The following UNC13C variants were observed in gnomAD, a reference collection of about 807,000 sequenced individuals.
UNC13C encodes the protein unc-13 homolog C, also known as protein unc-13 homolog C.
A neutral mutation model predicts 245.4 loss-of-function variants in UNC13C; 174 were observed. That is an observed-to-expected ratio of 0.71 (90% CI 0.63 to 0.80). The LOEUF is 0.80. Ranked by LOEUF, UNC13C falls within the 30% of genes least tolerant of loss-of-function variation. The probability of loss-of-function intolerance (pLI) is 0.00; values close to 1 mark genes in which losing one functional copy is unlikely to be tolerated. For synonymous variants in UNC13C, 992 were observed against 895.1 expected (o/e 1.11, Z -1.93); for missense variants, 2,829 against 2,602.9 (o/e 1.09, Z -1.89).
chr15:54,022,839 C>T (rs1340402301), intron 2 of UNC13C, among the ~76,000 whole-genome samples: 1 of 152,128 alleles, frequency 6.6e-6, no homozygotes, highest in Non-Finnish European at 1.5e-5. Flanking sequence ...TGGCCAAGGG[C>T]CCCTAGAAGC....
At chr15:54,102,419 C>T (rs894458406) in intron 2 of UNC13C, among the ~76,000 whole-genome samples, 1 of 152,148 alleles carries the variant, frequency 6.6e-6, no homozygotes, top group African/African-American at 2.4e-5. Context: ...AAGTGCAAAG[C>T]AGACTTGCTG....
intron 18 of UNC13C, among the ~76,000 whole-genome samples, chr15:54,403,135 C>A (rs1029776395): frequency 2.6e-5 from 4 of 152,224 alleles, no homozygotes; most frequent in South Asian, 2.1e-4. Flanking sequence ...TCAGTAAATT[C>A]TGTTGACTAT....
intron 2 of UNC13C, among the ~76,000 whole-genome samples, chr15:54,068,996 C>T (rs1898198053): frequency 6.6e-6 from 1 of 152,114 alleles, no homozygotes; most frequent in South Asian, 2.1e-4. Context: ...CTTTGTATTA[C>T]CTAGCACATC....
At chr15:54,198,077 A>G (rs190714816) in intron 4 of UNC13C, among the ~76,000 whole-genome samples, 1 of 152,008 alleles carries the variant, frequency 6.6e-6, no homozygotes, top group Non-Finnish European at 1.5e-5. Context: ...CTGGAAACCT[A>G]TATGGCTTAG....
intron 10 of UNC13C, among the ~76,000 whole-genome samples, chr15:54,265,943 A>T (rs1442303271): frequency 6.6e-6 from 1 of 152,026 alleles, no homozygotes; most frequent in Non-Finnish European, 1.5e-5. Flanking sequence ...GAGATGGTTG[A>T]TGATAACTGT....
chr15:53,852,250 T>C, the UNC13C span, among the ~76,000 whole-genome samples: 1 of 152,202 alleles, frequency 6.6e-6, no homozygotes, highest in Non-Finnish European at 1.5e-5. Context: ...TTGGTCACAG[T>C]GTCTTCTGTG....
intron 4 of UNC13C, among the ~76,000 whole-genome samples, chr15:54,211,611 G>A (rs765681791): frequency 3.9e-5 from 6 of 152,044 alleles, no homozygotes; most frequent in Non-Finnish European, 7.4e-5. Flanking sequence ...GTGCACCACT[G>A]GTTGTGGTGT....
intron 4 of UNC13C, among the ~76,000 whole-genome samples, chr15:54,190,217 C>T (rs762310139): frequency 2.1e-4 from 32 of 152,036 alleles, no homozygotes; most frequent in Non-Finnish European, 3.4e-4. Context: ...AATTAAGTGG[C>T]AAAGCCAAGA....
intron 29 of UNC13C, among the ~76,000 whole-genome samples, chr15:54,560,774 G>C (rs1398692052): frequency 1.3e-5 from 2 of 151,800 alleles, no homozygotes; most frequent in Non-Finnish European, 2.9e-5. Flanking sequence ...GAGAGAGAGA[G>C]AAAGACACCA....
chr15:54,003,609 T>A (rs564501910), intron 1 of UNC13C, among the ~76,000 whole-genome samples: 1 of 152,360 alleles, frequency 6.6e-6, no homozygotes, highest in South Asian at 2.1e-4. Flanking sequence ...AGACATGCAA[T>A]GTGTAATAAT....
rs1050076510 is a variant in UNC13C at position 54,601,430 on chromosome 15, G to A, written c.6107-20897G>A. 4.6e-5 allele frequency among the ~76,000 whole-genome samples: 7 copies of A among 152,186 alleles called. No individual in the cohort carries two copies. In the South Asian group the frequency reaches 1.2e-3, roughly 27 times the overall value. On this transcript the variant is annotated intron_variant, in intron 30 of 32. Transcript: ENST00000260323. ...GGAGAGCACTTGATGGTAGGACTGA[G>A]AAGACCCTAGGGGAACAGGTTAGGG... is the stretch of plus-strand genomic sequence containing the variant.
chr15:54,217,321 A>T (rs898400692), intron 4 of UNC13C, among the ~76,000 whole-genome samples: 5 of 151,982 alleles, frequency 3.3e-5, no homozygotes, highest in Middle Eastern at 3.2e-3. Context: ...ATGTGGCATC[A>T]TCAGAGCTAA....
At chr15:53,947,618 A>T in the UNC13C span, 1 of 151,702 alleles carries the variant, frequency 6.6e-6, no homozygotes, top group Non-Finnish European at 1.5e-5. Flanking sequence ...TTTTGTTATG[A>T]CTCTTGAGCT....
intron 10 of UNC13C, among the ~76,000 whole-genome samples, chr15:54,269,129 T>A (rs1464050734): frequency 6.6e-6 from 1 of 152,068 alleles, no homozygotes; most frequent in Non-Finnish European, 1.5e-5. Flanking sequence ...CTACCTTGGT[T>A]TCTATTCCTT....
intron 17 of UNC13C, among the ~76,000 whole-genome samples, chr15:54,385,583 G>T (rs1328227892): frequency 6.6e-6 from 1 of 150,610 alleles, no homozygotes; most frequent in African/African-American, 2.4e-5. Context: ...GATGAAGCAG[G>T]GTTGATTATG....
intron 4 of UNC13C, among the ~76,000 whole-genome samples, chr15:54,155,674 A>G (rs1306736065): frequency 1.3e-5 from 2 of 152,212 alleles, no homozygotes; most frequent in Admixed American, 6.5e-5. Flanking sequence ...TTATTCTGTT[A>G]CAATATGGGA....
At chr15:54,548,032 GAA>G (rs1236645410) in intron 27 of UNC13C, among the ~76,000 whole-genome samples, 2 of 151,716 alleles carry the variant, frequency 1.3e-5, no homozygotes, top group African/African-American at 4.8e-5. Context: ...TTTTAAAAAG[GAA>G]AAAAGAGGAG....
intron 30 of UNC13C, among the ~76,000 whole-genome samples, chr15:54,595,753 C>G (rs569071595): frequency 6.6e-6 from 1 of 152,320 alleles, no homozygotes; most frequent in South Asian, 2.1e-4. Flanking sequence ...ATGAAAGTTT[C>G]TCCAGAAATA....
chr15:54,524,884 GA>G (rs1411695386), intron 24 of UNC13C, among the ~76,000 whole-genome samples: 2 of 152,126 alleles, frequency 1.3e-5, no homozygotes, highest in African/African-American at 4.8e-5. Flanking sequence ...CAATTTCAGA[GA>G]ATATTTCAGA....
Sources: gnomAD v4.1 joint callset for allele counts (sites outside exome capture counted in the v4.1 genomes callset) on GRCh38, gnomAD v4.1.1 for gene constraint, MANE v1.5 for transcripts, NCBI Gene and HGNC (gene_info 2026-07-23, HGNC 2026-07-21) for gene names.